The following HUWE1 variants were observed in gnomAD, a reference collection of about 807,000 sequenced individuals.
HUWE1 encodes the protein HECT, UBA and WWE domain containing E3 ubiquitin protein ligase 1, also known as E3 ubiquitin-protein ligase HUWE1.
Under a neutral mutation model 299.4 loss-of-function variants are expected in HUWE1, and 18 were observed. The ratio of observed to expected loss-of-function variants is 0.06; its 90% CI spans 0.04 to 0.09. HUWE1 has a LOEUF of 0.09. Ranked by LOEUF, HUWE1 falls within the 10% of genes least tolerant of loss-of-function variation. The probability of loss-of-function intolerance (pLI) is 1.00; values close to 1 mark genes in which losing one functional copy is unlikely to be tolerated. For missense variants in HUWE1, 1,832 were observed against 3,462.3 expected (o/e 0.53, Z 11.82); for synonymous variants, 1,317 against 1,286.1 (o/e 1.02, Z -0.51).
intron 17 of HUWE1, chrX:53,626,071 TA>T: frequency 1.4e-5 from 5 of 360,772 alleles, no homozygotes; most frequent in African/African-American, 5.2e-5. Flanking sequence ...CTTACTAGAA[TA>T]AAAGGTACCA....
At chrX:53,567,237 A>C (rs1556946748) in intron 49 of HUWE1, among the ~76,000 whole-genome samples, 2 of 111,961 alleles carry the variant, frequency 1.8e-5, no homozygotes, top group Non-Finnish European at 3.8e-5. Context: ...CAAAATGTTC[A>C]GCAGTGGTTA....
chrX:53,646,396 G>C (rs1222810978), intron 6 of HUWE1, among the ~76,000 whole-genome samples: 1 of 111,296 alleles, frequency 9.0e-6, no homozygotes, highest in African/African-American at 3.3e-5. Flanking sequence ...GGGCTCAAGT[G>C]ATCTTCCCGC....
rs1419963004 is a variant in HUWE1, at chrX:53,561,788, A to G, written c.7475T>C (p.Ile2492Thr). The G allele has an allele frequency of 8.3e-7, 1 of 1,208,770 alleles. No individual in the cohort carries two copies. The highest frequency in any genetic ancestry group is 1.1e-6 in the Non-Finnish European group (1 of 894,782). ...GGAGAACATGTTGTCAAACTCAATG[A>G]TGAGATCATCCTCCCGGTCAAAGCG... ...FERFDREDDL[I>T]IEFDNMFSSA... Residue 2492 changes from isoleucine to threonine, a missense_variant, in exon 55 of 84, where the codon ATC becomes ACC. By Grantham distance (89) the Ile-to-Thr change is moderately conservative. This residue lies in a region of HUWE1 where 170 missense variants were observed against 335.8 expected (regional missense o/e 0.51). Transcript: ENST00000262854.
At chrX:53,596,123 T>C (rs2064450262) in intron 29 of HUWE1, among the ~76,000 whole-genome samples, 1 of 112,283 alleles carries the variant, frequency 8.9e-6, no homozygotes, top group Non-Finnish European at 1.9e-5. Context: ...AAATAAACGT[T>C]ATTTCACGTT....
At position 53,629,440 on chromosome X, in the gene HUWE1, A is replaced by C. The variant is rs782389936; in HGVS notation, c.963+76T>G. ...ATATGCAAATATCCCCTCCCCCCCC[A>C]AAAAAGTCTCAAATCCAAAATACTT... On this transcript the variant is annotated intron_variant, in intron 13 of 83. Transcript: ENST00000262854. The C allele has an allele frequency of 2.1e-4, 126 of 591,884 alleles. 1 individual carries two copies. Among genetic ancestry groups the C allele is most frequent in the African/African-American group, 8.9e-4 (39 of 43,803 alleles). 48.8% of individuals were successfully genotyped at this position (591,884 alleles called of 1,213,427 possible).
chrX:53,574,648 G>GT (rs2063011053), intron 46 of HUWE1, among the ~76,000 whole-genome samples: 1 of 112,257 alleles, frequency 8.9e-6, no homozygotes, highest in Non-Finnish European at 1.9e-5. Flanking sequence ...CCAGGAACTA[G>GT]TATGATTTTA....
intron 3 of HUWE1, among the ~76,000 whole-genome samples, chrX:53,657,322 C>T (rs1311807447): frequency 1.8e-5 from 2 of 111,939 alleles, no homozygotes; most frequent in African/African-American, 6.5e-5. Context: ...GCCTGTAATC[C>T]CAACACTTTG....
At chrX:53,574,946 C>T (rs2063026326) in intron 46 of HUWE1, among the ~76,000 whole-genome samples, 1 of 112,592 alleles carries the variant, frequency 8.9e-6, no homozygotes, top group Non-Finnish European at 1.9e-5. Context: ...GCAACCATTA[C>T]TAGGTTGGTT....
chrX:53,555,302 A>G (rs1014973445), intron 60 of HUWE1, among the ~76,000 whole-genome samples: 1 of 111,875 alleles, frequency 8.9e-6, no homozygotes, highest in Non-Finnish European at 1.9e-5. Flanking sequence ...ATTTGGAGCA[A>G]GAAATGGTCA....
chrX:53,546,325 G>C, intron 70 of HUWE1, 111 bp downstream of exon 70: 1 of 678,920 alleles, frequency 1.5e-6, no homozygotes. Context: ...CTGTGTTATA[G>C]GGATATGGAG....
chrX:53,680,842 A>C (rs1557052917), intron 2 of HUWE1: 12 of 112,229 alleles, frequency 1.1e-4, no homozygotes. Context: ...CAAAATCTCA[A>C]AACAGAAAGT....
intron 7 of HUWE1, among the ~76,000 whole-genome samples, chrX:53,644,188 A>C (rs782402752): frequency 8.9e-6 from 1 of 112,378 alleles, no homozygotes; most frequent in Non-Finnish European, 1.9e-5. Flanking sequence ...CATCTGTACT[A>C]CAAATGTAAA....
chrX:53,617,181 TA>T, intron 20 of HUWE1, 34 bp from the exon 21 acceptor site: 2 of 1,166,712 alleles, frequency 1.7e-6, no homozygotes, highest in Non-Finnish European at 2.3e-6. Context: ...TGAATGCATC[TA>T]AAAGAGTGTA....
chrX:53,569,525 G>T (rs1948015961), intron 48 of HUWE1, 91 bp downstream of exon 48: 2 of 852,147 alleles, frequency 2.3e-6, no homozygotes, highest in Admixed American at 4.4e-5. Context: ...ATGACAAGAA[G>T]TTTTGTTCAA....
intron 74 of HUWE1, among the ~76,000 whole-genome samples, chrX:53,541,086 T>C (rs1463838075): frequency 8.9e-6 from 1 of 112,369 alleles, no homozygotes; most frequent in Non-Finnish European, 1.9e-5. Context: ...GAATGTGTTA[T>C]GAGGGTGCCA....
At chrX:53,589,919 A>C in intron 35 of HUWE1, 103 bp from the exon 36 acceptor site, 1 of 868,684 alleles carries the variant, frequency 1.2e-6, no homozygotes, top group Non-Finnish European at 1.6e-6. Context: ...GATTACCCTC[A>C]ACCTTCTCCT....
Position 53,544,911 on chromosome X carries a change from T to A in HUWE1, c.11048+118A>T. The stretch of plus-strand genomic sequence containing the variant: ...GAAGTAGAAAAAAATGGGTCAAGTG[T>A]GTATAGGAAAGATACGAAAATCACC... On this transcript the variant is annotated intron_variant, in intron 71 of 83. Coordinates refer to ENST00000262854, the MANE Select transcript of HUWE1 (RefSeq NM_031407.7). 3.2e-6 allele frequency: 3 copies of A among 949,313 alleles called. No individual in the cohort carries two copies. In the South Asian group the frequency reaches 6.1e-5, roughly 19 times the overall value. 78.2% of individuals were successfully genotyped at this position (949,313 alleles called of 1,213,427 possible).
chrX:53,549,579 G>T, intron 66 of HUWE1, 74 bp from the exon 67 acceptor site: 1 of 910,168 alleles, frequency 1.1e-6, no homozygotes, highest in South Asian at 2.1e-5. Flanking sequence ...GAATGGGGGA[G>T]GGGAATGAGC....
Position 53,533,024 on chromosome X carries a change from G to T in HUWE1, c.*285C>A. On this transcript the variant is annotated 3_prime_UTR_variant, in exon 84 of 84. Coordinates refer to ENST00000262854, the MANE Select transcript of HUWE1 (RefSeq NM_031407.7). ...GAGGAGCACACTGTTCAAACAGTTG[G>T]GACAGACAGGTCCCTGCAAAGGCTA... is the stretch of plus-strand genomic sequence containing the variant. The T allele has an allele frequency of 2.9e-6, 1 of 340,595 alleles. No individual in the cohort carries two copies. 28.1% of individuals were successfully genotyped at this position (340,595 alleles called of 1,213,427 possible).
Sources: allele counts gnomAD v4.1 joint callset (sites outside exome capture counted in the v4.1 genomes callset), GRCh38; gene constraint gnomAD v4.1.1; regional missense constraint gnomAD v4.1.1; transcripts MANE v1.5; gene names NCBI Gene and HGNC (gene_info 2026-07-23, HGNC 2026-07-21).